The following ATP8A2 variants were observed in gnomAD, a reference collection of about 807,000 sequenced individuals.
The protein encoded by ATP8A2 is phospholipid-transporting ATPase IB.
In ATP8A2, 100 loss-of-function variants were observed where a neutral mutation model predicts 165.6. The ratio of observed to expected loss-of-function variants is 0.60; its 90% CI spans 0.51 to 0.71. The LOEUF is 0.71. ATP8A2 is among the 30% of genes least tolerant of loss of function. The pLI, the probability that ATP8A2 is intolerant of heterozygous loss-of-function variation, is 0.00. For synonymous variants in ATP8A2, 543 were observed against 548.8 expected (o/e 0.99, Z 0.15); for missense variants, 1,227 against 1,479.5 (o/e 0.83, Z 2.80).
At chr13:25,651,551 GTTGTTCACACCTA>G (rs1017650772) in intron 24 of ATP8A2, among the ~76,000 whole-genome samples, 1 of 148,484 alleles carries the variant, frequency 6.7e-6, no homozygotes, top group African/African-American at 2.5e-5. Context: ...TTGGCCTAAA[GTTGTTCACACCTA>G]TCATCTTTTT....
intron 33 of ATP8A2, among the ~76,000 whole-genome samples, chr13:25,867,218 T>C (rs1952531847): frequency 6.7e-6 from 1 of 150,148 alleles, no homozygotes; most frequent in South Asian, 2.1e-4. Flanking sequence ...GTACACACAA[T>C]GCAAATCCCA....
chr13:25,604,794 A>G (rs2040474634), intron 24 of ATP8A2, among the ~76,000 whole-genome samples: 1 of 152,144 alleles, frequency 6.6e-6, no homozygotes, highest in South Asian at 2.1e-4. Context: ...AATCATTCCC[A>G]TCCAATGGGT....
intron 25 of ATP8A2, among the ~76,000 whole-genome samples, chr13:25,720,979 T>C (rs1249042620): frequency 1.3e-5 from 2 of 150,304 alleles, no homozygotes; most frequent in Non-Finnish European, 3.0e-5. Flanking sequence ...TTTTTTTTTT[T>C]TCCTGACACA....
In ATP8A2 at chr13:25,769,184, T is replaced by C. The variant is rs750798080; in HGVS notation, c.2523T>C (p.Asn841=). 28 of 1,613,970 alleles carry C rather than the reference T, an allele frequency of 1.7e-5. No homozygotes were observed. In the South Asian group the frequency reaches 2.9e-4, roughly 16 times the overall value. ...ACGTGGGTGTGGGAATCAGTGGGAA[T>C]GAAGGCATGCAGGCCACCAACAACT... is the stretch of plus-strand genomic sequence containing the variant. The part of the protein sequence containing the change: ...TAHVGVGISG[N]EGMQATNNSD... Residue 841 remains asparagine, a synonymous_variant, in exon 26 of 37, where the codon AAT becomes AAC. Coordinates refer to ENST00000381655, the MANE Select transcript of ATP8A2 (RefSeq NM_016529.6).
chr13:25,914,774 G>GC (rs926338883), intron 33 of ATP8A2, among the ~76,000 whole-genome samples: 1 of 152,198 alleles, frequency 6.6e-6, no homozygotes, highest in Non-Finnish European at 1.5e-5. Flanking sequence ...GAGGGGCTTC[G>GC]CAGTGCTCCC....
At chr13:25,912,155 GACACAC>G (rs3056187) in intron 33 of ATP8A2, among the ~76,000 whole-genome samples, 2,399 of 141,150 alleles carry the variant, frequency 0.017, 47 homozygotes, top group African/African-American at 0.048. Context: ...GAAAATGTGA[GACACAC>G]ACACACACAC....
At chr13:25,500,679 A>G (rs2036828396) in intron 2 of ATP8A2, among the ~76,000 whole-genome samples, 1 of 152,130 alleles carries the variant, frequency 6.6e-6, no homozygotes. Flanking sequence ...TCCACGGCTC[A>G]GGTGATCCTC....
In ATP8A2 at chr13:25,559,330, C is replaced by T. The variant is rs183038356; in HGVS notation, c.1352+269C>T. ...GGTGGATTGCCTGAGGTTGGGAGTT[C>T]GAGATCAGCCTGGCTAACATGATGA... On this transcript the variant is annotated intron_variant, in intron 14 of 36. Transcript: ENST00000381655. 1.8e-3 allele frequency among the ~76,000 whole-genome samples: 279 copies of T among 152,190 alleles called. 3 individuals are homozygous for T. The highest frequency in any genetic ancestry group is 1.3e-3 in the Non-Finnish European group (86 of 67,994).
chr13:25,945,044 C>T (rs1955174977), intron 33 of ATP8A2, among the ~76,000 whole-genome samples: 1 of 152,124 alleles, frequency 6.6e-6, no homozygotes, highest in African/African-American at 2.4e-5. Context: ...ACCTGCCTCT[C>T]ACTTATGCCT....
At chr13:25,690,858 A>G (rs2042708867) in intron 24 of ATP8A2, among the ~76,000 whole-genome samples, 1 of 149,982 alleles carries the variant, frequency 6.7e-6, no homozygotes, top group African/African-American at 2.4e-5. Context: ...TCTACCTAAG[A>G]GTAATATAAA....
chr13:25,885,418 G>A (rs1415689028), intron 33 of ATP8A2, among the ~76,000 whole-genome samples: 3 of 152,116 alleles, frequency 2.0e-5, no homozygotes, highest in African/African-American at 7.2e-5. Context: ...AAGCCCGCTT[G>A]CTTCTTTTCT....
intron 23 of ATP8A2, among the ~76,000 whole-genome samples, chr13:25,588,746 G>A (rs940359256): frequency 1.2e-4 from 19 of 152,318 alleles, no homozygotes; most frequent in Admixed American, 9.1e-4. Context: ...TGAGTTGGGC[G>A]TTGGTGGAAA....
intron 33 of ATP8A2, among the ~76,000 whole-genome samples, chr13:25,945,892 C>T (rs755217713): frequency 2.6e-5 from 4 of 152,108 alleles, no homozygotes; most frequent in Admixed American, 6.6e-5. Flanking sequence ...GATCAGCACA[C>T]GGCACTGTAC....
chr13:25,577,299 G>A (rs926013340), intron 20 of ATP8A2, among the ~76,000 whole-genome samples, 161 bp downstream of exon 20: 2 of 152,198 alleles, frequency 1.3e-5, no homozygotes, highest in Admixed American at 6.5e-5. Flanking sequence ...AAAGCCCACT[G>A]AAGATAATGG....
At chr13:25,629,518 C>G (rs533512879) in intron 24 of ATP8A2, among the ~76,000 whole-genome samples, 1 of 151,958 alleles carries the variant, frequency 6.6e-6, no homozygotes, top group Non-Finnish European at 1.5e-5. Context: ...AATAATAGCT[C>G]GAAATATAAA....
intron 16 of ATP8A2, among the ~76,000 whole-genome samples, chr13:25,564,891 C>T (rs891376242): frequency 1.9e-4 from 28 of 147,440 alleles, no homozygotes; most frequent in Non-Finnish European, 2.0e-4. Flanking sequence ...TCCCCAAAGT[C>T]CGTTGTATCA....
chr13:25,899,432 A>G (rs1195405255), intron 33 of ATP8A2, among the ~76,000 whole-genome samples: 2 of 152,224 alleles, frequency 1.3e-5, no homozygotes, highest in Admixed American at 1.3e-4. Flanking sequence ...CAGATAATGC[A>G]TACGGGTGTC....
chr13:25,814,093 A>G (rs1950946954), intron 27 of ATP8A2, among the ~76,000 whole-genome samples: 1 of 81,700 alleles, frequency 1.2e-5, no homozygotes, highest in African/African-American at 5.3e-5. Context: ...GTGCTCACAC[A>G]TACAGACACA....
At chr13:25,807,363 T>C (rs1179981987) in intron 27 of ATP8A2, among the ~76,000 whole-genome samples, 5 of 152,182 alleles carry the variant, frequency 3.3e-5, no homozygotes, top group African/African-American at 1.2e-4. Flanking sequence ...TGTTTGTTAA[T>C]GGTGTGAGGT....
Sources: allele counts gnomAD v4.1 joint callset (sites outside exome capture counted in the v4.1 genomes callset), GRCh38; gene constraint gnomAD v4.1.1; transcripts MANE v1.5; gene names NCBI Gene and HGNC (gene_info 2026-07-23, HGNC 2026-07-21).